OTUD7A: variants seen among roughly 807,000 people sequenced by gnomAD.
OTUD7A encodes OTU deubiquitinase 7A.
In OTUD7A, 12 loss-of-function variants were observed where a neutral mutation model predicts 65.7. The ratio of observed to expected loss-of-function variants is 0.18; its 90% CI spans 0.12 to 0.30. The LOEUF is 0.30. Ranked by LOEUF, OTUD7A falls within the 10% of genes least tolerant of loss-of-function variation. The pLI, the probability that OTUD7A is intolerant of heterozygous loss-of-function variation, is 1.00. For synonymous variants in OTUD7A, 641 were observed against 586.3 expected (o/e 1.09, Z -1.35); for missense variants, 1,148 against 1,304.8 (o/e 0.88, Z 1.85).
At chr15:31,494,128 G>A (rs1039508049) in intron 10 of OTUD7A, among the ~76,000 whole-genome samples, 14 of 152,260 alleles carry the variant, frequency 9.2e-5, no homozygotes, top group African/African-American at 3.4e-4. Flanking sequence ...ATTTGGATTG[G>A]TCATTGGTCT....
rs573434388 is a variant in OTUD7A at position 31,673,868 on chromosome 15, TTCTC to T, written c.-99-16795_-99-16792del. Among the ~76,000 whole-genome samples, 6 of 152,364 alleles carry T rather than the reference TTCTC, an allele frequency of 3.9e-5. No homozygotes were observed. In the South Asian group the frequency reaches 1.0e-3, roughly 26 times the overall value. ...TCACCCCAACCTACTTGCCTCCTTC[TTCTC>T]TCTGTGAAGGCTGCCCTGGAGGACA... On this transcript the variant is annotated intron_variant, in intron 1 of 12. Coordinates refer to ENST00000307050, the MANE Select transcript of OTUD7A (RefSeq NM_001382637.1).
At chr15:31,847,207 C>T (rs1000593988) in intron 1 of OTUD7A, among the ~76,000 whole-genome samples, 10 of 152,226 alleles carry the variant, frequency 6.6e-5, no homozygotes, top group Non-Finnish European at 1.0e-4. Context: ...GGTGTAAATA[C>T]AGTTCATACA....
chr15:31,573,177 T>C (rs965102777), intron 3 of OTUD7A, among the ~76,000 whole-genome samples: 1 of 152,002 alleles, frequency 6.6e-6, no homozygotes, highest in African/African-American at 2.4e-5. Flanking sequence ...GCAGCAACAG[T>C]CAATGCCAAA....
At position 31,479,671 on chromosome 15, in the gene OTUD7A, G is replaced by GGT. The variant is rs1555388193; in HGVS notation, c.*3622_*3623insAC. On this transcript the variant is annotated 3_prime_UTR_variant, in exon 13 of 13. Transcript: ENST00000307050. Reference sequence around the variant, plus strand: ...TTTGTGGACACTAAGTGGGGGGGGGGGGTGATGGGCCCATGACCCCTCCCC... The same window carrying GGT: ...TTTGTGGACACTAAGTGGGGGGGGGGGTGGTGATGGGCCCATGACCCCTCCCC... 1.4e-5 allele frequency: 1 copy of GGT among 71,972 alleles called. No homozygotes were observed. Among genetic ancestry groups the GGT allele is most frequent in the Non-Finnish European group, 3.2e-5 (1 of 30,896 alleles). 4.5% of individuals were successfully genotyped at this position (71,972 alleles called of 1,614,324 possible).
intron 3 of OTUD7A, among the ~76,000 whole-genome samples, chr15:31,648,452 C>T (rs1246830116): frequency 6.6e-6 from 1 of 152,160 alleles, no homozygotes; most frequent in Non-Finnish European, 1.5e-5. Context: ...GCATGCAGAC[C>T]TCAGACAGGG....
At chr15:31,588,344 G>T (rs1889610460) in intron 3 of OTUD7A, among the ~76,000 whole-genome samples, 2 of 152,276 alleles carry the variant, frequency 1.3e-5, no homozygotes, top group African/African-American at 4.8e-5. Flanking sequence ...ATTGACTACA[G>T]GTGCAGACAT....
intron 1 of OTUD7A, among the ~76,000 whole-genome samples, chr15:31,861,181 C>T (rs1054847846): frequency 6.6e-6 from 1 of 152,046 alleles, no homozygotes; most frequent in East Asian, 1.9e-4. Flanking sequence ...TAGGCAGCTG[C>T]GGTTCTTCAT....
intron 3 of OTUD7A, among the ~76,000 whole-genome samples, chr15:31,591,246 A>G (rs1889715033): frequency 6.6e-6 from 1 of 152,080 alleles, no homozygotes; most frequent in African/African-American, 2.4e-5. Flanking sequence ...TGAGACCACA[A>G]GCAGGCAGCG....
At chr15:31,720,383 T>C (rs1036338218) in intron 1 of OTUD7A, among the ~76,000 whole-genome samples, 4 of 151,550 alleles carry the variant, frequency 2.6e-5, no homozygotes, top group Non-Finnish European at 4.4e-5. Flanking sequence ...GTTGATAACA[T>C]CATGGCACAG....
chr15:31,690,803 T>C (rs1187789698), intron 1 of OTUD7A, among the ~76,000 whole-genome samples: 1 of 152,190 alleles, frequency 6.6e-6, no homozygotes, highest in African/African-American at 2.4e-5. Context: ...AAGACCTAAA[T>C]GTAAGAGCTA....
intron 3 of OTUD7A, among the ~76,000 whole-genome samples, chr15:31,630,110 T>C (rs1891095373): frequency 6.7e-6 from 1 of 149,100 alleles, no homozygotes; most frequent in South Asian, 2.2e-4. Flanking sequence ...GCTCTGATTT[T>C]AGTTATTTCT....
At chr15:31,665,656 T>C (rs2141289786) in intron 1 of OTUD7A, among the ~76,000 whole-genome samples, 1 of 152,320 alleles carries the variant, frequency 6.6e-6, no homozygotes, top group South Asian at 2.1e-4. Flanking sequence ...CCTTTATTTC[T>C]CTCGTCTGAT....
chr15:31,571,335 T>C (rs1889047625), intron 3 of OTUD7A, among the ~76,000 whole-genome samples: 1 of 152,156 alleles, frequency 6.6e-6, no homozygotes, highest in Non-Finnish European at 1.5e-5. Context: ...CCAACAGATG[T>C]CACATCAAGT....
chr15:31,731,706 C>A (rs1416231755), intron 1 of OTUD7A, among the ~76,000 whole-genome samples: 1 of 152,080 alleles, frequency 6.6e-6, no homozygotes, highest in Non-Finnish European at 1.5e-5. Flanking sequence ...GGACTCTGGG[C>A]AATAATGATG....
At chr15:31,750,893 G>T (rs1173257225) in intron 1 of OTUD7A, among the ~76,000 whole-genome samples, 1 of 152,094 alleles carries the variant, frequency 6.6e-6, no homozygotes, top group Non-Finnish European at 1.5e-5. Context: ...AATGAAACTG[G>T]ACCCCTCCCT....
intron 1 of OTUD7A, among the ~76,000 whole-genome samples, chr15:31,790,751 T>A (rs1002176025): frequency 7.2e-5 from 11 of 152,198 alleles, no homozygotes; most frequent in Admixed American, 2.0e-4. Context: ...CTGGGGCCTC[T>A]GGCCCTCAAT....
chr15:31,764,029 T>C (rs945895605), intron 1 of OTUD7A, among the ~76,000 whole-genome samples: 2 of 152,200 alleles, frequency 1.3e-5, no homozygotes, highest in Admixed American at 1.3e-4. Context: ...GATATGTTAA[T>C]GGAAGTTTCT....
At chr15:31,762,924 T>C (rs948382380) in intron 1 of OTUD7A, among the ~76,000 whole-genome samples, 1 of 151,782 alleles carries the variant, frequency 6.6e-6, no homozygotes, top group Middle Eastern at 3.2e-3. Context: ...GACAAAAATA[T>C]TGGCAAAAGC....
chr15:31,513,056 A>G (rs2041781049), intron 8 of OTUD7A, among the ~76,000 whole-genome samples: 1 of 152,134 alleles, frequency 6.6e-6, no homozygotes, highest in African/African-American at 2.4e-5. Flanking sequence ...TTTTTAGTGG[A>G]GACGGGTTTT....
Sources: gnomAD v4.1 joint callset for allele counts (sites outside exome capture counted in the v4.1 genomes callset) on GRCh38, gnomAD v4.1.1 for gene constraint, MANE v1.5 for transcripts, NCBI Gene and HGNC (gene_info 2026-07-23, HGNC 2026-07-21) for gene names.